CXCL8: variants seen among roughly 807,000 people sequenced by gnomAD.
CXCL8 encodes C-X-C motif chemokine ligand 8.
In CXCL8, 12 loss-of-function variants were observed where a neutral mutation model predicts 10.9. The ratio of observed to expected loss-of-function variants is 1.10; its 90% CI spans 0.71 to 1.79. CXCL8 has a LOEUF of 1.79. CXCL8 is among the 40% of genes most tolerant of loss of function. The pLI is 0.00. For missense variants in CXCL8, 145 were observed against 113.4 expected (o/e 1.28, Z -1.26); for synonymous variants, 41 against 39.6 (o/e 1.03, Z -0.13).
chr4:73,741,507 T>C (rs377604716), intron 1 of CXCL8, 35 bp from the exon 2 acceptor site: 2 of 1,607,672 alleles, frequency 1.2e-6, no homozygotes, highest in Non-Finnish European at 8.5e-7. Context: ...TGCCTGTTGA[T>C]AAAATCAATC....
At chr4:73,742,427 T>C in intron 3 of CXCL8, 22 bp from the exon 4 acceptor site, 1 of 1,226,178 alleles carries the variant, frequency 8.2e-7, no homozygotes, top group Non-Finnish European at 1.2e-6. Flanking sequence ...AGCTCATCTT[T>C]ATATTTTTAA....
At chr4:73,742,332 T>G in intron 3 of CXCL8, 117 bp from the exon 4 acceptor site, 1 of 598,800 alleles carries the variant, frequency 1.7e-6, no homozygotes, top group Non-Finnish European at 2.9e-6. Flanking sequence ...CTATTTATAG[T>G]TGAGAATATA....
intron 1 of CXCL8, 91 bp downstream of exon 1, chr4:73,740,813 A>T (rs940560357): frequency 2.4e-5 from 24 of 1,009,548 alleles, no homozygotes; most frequent in Non-Finnish European, 3.3e-5. Flanking sequence ...GGTAACAAAC[A>T]TCCTTTTTAT....
intron 1 of CXCL8, 109 bp downstream of exon 1, chr4:73,740,831 C>G: frequency 1.1e-6 from 1 of 871,976 alleles, no homozygotes; most frequent in Admixed American, 2.4e-5. Context: ...TATTCAGAAA[C>G]AGAATATAAT....
intron 1 of CXCL8, 80 bp from the exon 2 acceptor site, chr4:73,741,462 T>G: frequency 7.6e-7 from 1 of 1,320,090 alleles, no homozygotes; most frequent in Non-Finnish European, 1.1e-6. Context: ...CAAATAATCA[T>G]ATTGGAATTA....
intron 3 of CXCL8, 35 bp from the exon 4 acceptor site, chr4:73,742,409 TTAAAC>T (rs1729205020): frequency 1.9e-6 from 2 of 1,037,338 alleles, no homozygotes; most frequent in South Asian, 1.5e-5. Flanking sequence ...TTCCTTCTTA[TTAAAC>T]ATAGCTCATC....
At chr4:73,742,400 T>C in intron 3 of CXCL8, 49 bp from the exon 4 acceptor site, 1 of 932,732 alleles carries the variant, frequency 1.1e-6, no homozygotes, top group East Asian at 2.7e-5. Context: ...AACCCTACTT[T>C]CCTTCTTATT....
chr4:73,742,946 C>A lies in CXCL8; in HGVS notation c.*482C>A, dbSNP rs1677255207. The stretch of plus-strand genomic sequence containing the variant: ...AATCTGGCAACCCTAGTCTGCTAGC[C>A]AGGATCCACAAGTCCTTGTTCCACT... On this transcript the variant is annotated 3_prime_UTR_variant, in exon 4 of 4. Transcript: ENST00000307407. 1.7e-5 allele frequency: 4 copies of A among 231,446 alleles called. No individual in the cohort carries two copies. The highest frequency in any genetic ancestry group is 3.4e-5 in the Non-Finnish European group (4 of 116,968). 14.3% of individuals were successfully genotyped at this position (231,446 alleles called of 1,614,324 possible). A position where few individuals can be genotyped will look rare whatever the true frequency, so the allele number is the denominator to read the frequency against.
chr4:73,741,181 T>C (rs1242549729), intron 1 of CXCL8, among the ~76,000 whole-genome samples: 1 of 152,186 alleles, frequency 6.6e-6, no homozygotes, highest in Non-Finnish European at 1.5e-5. Flanking sequence ...TTTCTGTTAA[T>C]TCTTTCTGAA....
chr4:73,742,186 T>G (rs1729193008), intron 3 of CXCL8, 154 bp downstream of exon 3: 2 of 599,094 alleles, frequency 3.3e-6, no homozygotes, highest in African/African-American at 3.8e-5. Context: ...AGTGAGTTTG[T>G]TGTACTCATG....
intron 3 of CXCL8, 162 bp downstream of exon 3, chr4:73,742,194 A>G (rs1242838445): frequency 1.7e-6 from 1 of 590,902 alleles, no homozygotes; most frequent in Non-Finnish European, 3.0e-6. Flanking sequence ...TGTTGTACTC[A>G]TGACCAGAAA....
At position 73,742,645 on chromosome 4, in the gene CXCL8, A is replaced by T. The variant is rs1729213385; in HGVS notation, c.*181A>T. ...GAATAGTTTTTCATTGTACCATGAA[A>T]TATCCAGAACATACTTATATGTAAA... On this transcript the variant is annotated 3_prime_UTR_variant, in exon 4 of 4. Coordinates refer to ENST00000307407, the MANE Select transcript of CXCL8 (RefSeq NM_000584.4). 2.3e-6 allele frequency: 1 copy of T among 443,154 alleles called. No homozygotes were observed. The highest frequency in any genetic ancestry group is 2.0e-5 in the African/African-American group (1 of 48,918). 27.5% of individuals were successfully genotyped at this position (443,154 alleles called of 1,614,324 possible).
Position 73,741,612 on chromosome 4 carries a change from C to A in CXCL8, c.135C>A (p.His45Gln). ...TAAAGACATACTCCAAACCTTTCCACCCCAAATTTATCAAAGAACTGAGAG... is the reference window on the plus strand; with the variant it reads ...TAAAGACATACTCCAAACCTTTCCAACCCAAATTTATCAAAGAACTGAGAG... ...QCIKTYSKPF[H>Q]PKFIKELRVI... Residue 45 changes from histidine (H) to glutamine (Q), a missense_variant, in exon 2 of 4, where the codon CAC becomes CAA. Transcript: ENST00000307407. 6.2e-7 allele frequency: 1 copy of A among 1,613,332 alleles called. No homozygotes were observed. The highest frequency in any genetic ancestry group is 1.3e-5 in the African/African-American group (1 of 74,996).
At chr4:73,740,796 A>T (rs1310986184) in intron 1 of CXCL8, 74 bp downstream of exon 1, 2 of 1,167,694 alleles carry the variant, frequency 1.7e-6, no homozygotes, top group Non-Finnish European at 2.5e-6. Context: ...GCTATTCTTG[A>T]TGCTTTGGTA....
At position 73,742,885 on chromosome 4, in the gene CXCL8, C is replaced by A. The variant is rs1729219417; in HGVS notation, c.*421C>A. 2 of 231,334 alleles carry A rather than the reference C, an allele frequency of 8.6e-6. No individual in the cohort carries two copies. The highest frequency in any genetic ancestry group is 1.1e-4 in the Admixed American group (2 of 17,684). 14.3% of individuals were successfully genotyped at this position (231,334 alleles called of 1,614,324 possible). A position where few individuals can be genotyped will look rare whatever the true frequency, so the allele number is the denominator to read the frequency against. ...GGGACAATAAATTTTGCCATAAAGT[C>A]AAATTTAGCTGGAAATCCTGGATTT... is the stretch of plus-strand genomic sequence containing the variant. On this transcript the variant is annotated 3_prime_UTR_variant, in exon 4 of 4. Transcript: ENST00000307407.
intron 2 of CXCL8, 61 bp from the exon 3 acceptor site, chr4:73,741,887 AG>A (rs1359505348): frequency 1.6e-6 from 2 of 1,286,372 alleles, no homozygotes; most frequent in Non-Finnish European, 2.3e-6. Context: ...GCCTGACTTA[AG>A]GAATCATGAT....
Position 73,740,653 on chromosome 4 carries a change from G to T in CXCL8, c.-6G>T, listed in dbSNP as rs749155774. The T allele has an allele frequency of 6.2e-7, 1 of 1,613,500 alleles. No homozygotes were observed. The highest frequency in any genetic ancestry group is 8.5e-7 in the Non-Finnish European group (1 of 1,179,530). The stretch of plus-strand genomic sequence containing the variant: ...ACCGGAAGGAACCATCTCACTGTGT[G>T]TAAACATGACTTCCAAGCTGGCCGT... On this transcript the variant is annotated 5_prime_UTR_variant, in exon 1 of 4. Transcript: ENST00000307407.
Position 73,740,578 on chromosome 4 carries a change from C to T in CXCL8, c.-81C>T. ...GAGCACTCCATAAGGCACAAACTTT[C>T]AGAGACAGCAGAGCACACAAGCTTC... On this transcript the variant is annotated 5_prime_UTR_variant, in exon 1 of 4. Transcript: ENST00000307407. The T allele has an allele frequency of 7.7e-7, 1 of 1,304,610 alleles. No individual in the cohort carries two copies. 80.8% of individuals were successfully genotyped at this position (1,304,610 alleles called of 1,614,324 possible). A position where few individuals can be genotyped will look rare whatever the true frequency, so the allele number is the denominator to read the frequency against.
At position 73,742,837 on chromosome 4, in the gene CXCL8, T is replaced by C; in HGVS notation, c.*373T>C. The stretch of plus-strand genomic sequence containing the variant: ...GAATGGGTTTGCTAGAATGTGATAT[T>C]TGAAGCATCACATAAAAATGATGGG... On this transcript the variant is annotated 3_prime_UTR_variant, in exon 4 of 4. Coordinates refer to ENST00000307407, the MANE Select transcript of CXCL8 (RefSeq NM_000584.4). 1 of 235,788 alleles carries C rather than the reference T, an allele frequency of 4.2e-6. No individual in the cohort carries two copies. The highest frequency in any genetic ancestry group is 2.2e-5 in the African/African-American group (1 of 45,570). The allele number at this position is 235,788 out of a possible 1,614,324, so 14.6% of individuals were successfully genotyped here.
Sources: gnomAD v4.1 joint callset for allele counts (sites outside exome capture counted in the v4.1 genomes callset) on GRCh38, gnomAD v4.1.1 for gene constraint, MANE v1.5 for transcripts, NCBI Gene and HGNC (gene_info 2026-07-23, HGNC 2026-07-21) for gene names.